The following SLC10A7 variants were observed in gnomAD, a reference collection of about 807,000 sequenced individuals.
The protein encoded by SLC10A7 is solute carrier family 10 member 7, also known as sodium/bile acid cotransporter 7.
A neutral mutation model predicts 43.2 loss-of-function variants in SLC10A7; 29 were observed. That is an observed-to-expected ratio of 0.67 (90% CI 0.50 to 0.92). The LOEUF (loss-of-function observed/expected upper bound fraction) is 0.92. Among genes scored for constraint, SLC10A7 ranks in the 40% least tolerant of loss-of-function variants. The pLI is 0.00. For missense variants in SLC10A7, 295 were observed against 403.2 expected (o/e 0.73, Z 2.30); for synonymous variants, 152 against 144.8 (o/e 1.05, Z -0.35).
rs2110954651 is a variant in SLC10A7, at chr4:146,255,323, T to A, written c.*1168A>T. Reference sequence around the variant, plus strand: ...CCCGTTGGGAACTAATTTTACTTGATATTTTGGTTATTAAATGGTTTTGCA... The same window carrying A: ...CCCGTTGGGAACTAATTTTACTTGAAATTTTGGTTATTAAATGGTTTTGCA... On this transcript the variant is annotated 3_prime_UTR_variant, in exon 12 of 12. Coordinates refer to ENST00000335472, the MANE Select transcript of SLC10A7 (RefSeq NM_001029998.6). The A allele has an allele frequency of 6.5e-6, 1 of 152,788 alleles. No individual in the cohort carries two copies. The highest frequency in any genetic ancestry group is 2.4e-5 in the African/African-American group (1 of 41,578). 9.5% of individuals were successfully genotyped at this position (152,788 alleles called of 1,614,324 possible).
At chr4:146,519,112 T>TATATATATATATATAA (rs1553991185) in intron 1 of SLC10A7, among the ~76,000 whole-genome samples, 1 of 15,972 alleles carries the variant, frequency 6.3e-5, no homozygotes, top group Non-Finnish European at 1.0e-4. Context: ...TATATATATA[T>TATATATATATATATAA]AATATAATAT....
intron 5 of SLC10A7, among the ~76,000 whole-genome samples, chr4:146,403,609 T>C (rs917919131): frequency 1.3e-5 from 2 of 152,208 alleles, no homozygotes; most frequent in African/African-American, 4.8e-5. Context: ...CACATGCTTA[T>C]ATGTGCAATT....
intron 5 of SLC10A7, among the ~76,000 whole-genome samples, chr4:146,350,411 C>T (rs367865747): frequency 1.1e-5 from 1 of 90,894 alleles, no homozygotes; most frequent in Non-Finnish European, 2.2e-5. Context: ...ATTGCTAGCA[C>T]AGCAGTCTGA....
At chr4:146,433,349 C>T (rs1347624831) in intron 5 of SLC10A7, among the ~76,000 whole-genome samples, 1 of 151,116 alleles carries the variant, frequency 6.6e-6, no homozygotes, top group Non-Finnish European at 1.5e-5. Flanking sequence ...CTCTTTGAAA[C>T]CAAAGTAACC....
intron 5 of SLC10A7, among the ~76,000 whole-genome samples, chr4:146,351,662 G>C (rs1327232650): frequency 1.3e-5 from 2 of 151,936 alleles, no homozygotes; most frequent in African/African-American, 4.8e-5. Context: ...TCAAAGGGAA[G>C]CCCATCAGAC....
At chr4:146,261,221 AG>A (rs1329983079) in intron 10 of SLC10A7, among the ~76,000 whole-genome samples, 1 of 152,140 alleles carries the variant, frequency 6.6e-6, no homozygotes, top group East Asian at 1.9e-4. Flanking sequence ...CTGGAGGAGG[AG>A]GAGGAATTTC....
At chr4:146,465,518 TAA>T (rs1732944262) in intron 4 of SLC10A7, among the ~76,000 whole-genome samples, 1 of 152,130 alleles carries the variant, frequency 6.6e-6, no homozygotes, top group African/African-American at 2.4e-5. Flanking sequence ...ACCTTAAATA[TAA>T]AGTTTTAATA....
chr4:146,410,207 T>A (rs1292314896), intron 5 of SLC10A7, among the ~76,000 whole-genome samples: 2 of 152,178 alleles, frequency 1.3e-5, no homozygotes, highest in African/African-American at 4.8e-5. Flanking sequence ...GTATTAATAG[T>A]CAGGAAATAA....
chr4:146,470,942 G>A lies in SLC10A7; in HGVS notation c.397-28121C>T, dbSNP rs188218368. 6.6e-5 allele frequency among the ~76,000 whole-genome samples: 10 copies of A among 152,218 alleles called. No homozygotes were observed. In the East Asian group the frequency reaches 1.9e-3, roughly 29 times the overall value. On this transcript the variant is annotated intron_variant, in intron 4 of 11. Coordinates refer to ENST00000335472, the MANE Select transcript of SLC10A7 (RefSeq NM_001029998.6). The stretch of plus-strand genomic sequence containing the variant: ...TTACATATATCACTTCATGCAATAG[G>A]TACAATGCTAAGTAAAAAACATGAG...
chr4:146,508,130 T>C (rs976436144), intron 3 of SLC10A7, among the ~76,000 whole-genome samples: 2 of 152,234 alleles, frequency 1.3e-5, no homozygotes, highest in Non-Finnish European at 2.9e-5. Context: ...TTTATCTTTG[T>C]ATCTCATTAA....
intron 5 of SLC10A7, among the ~76,000 whole-genome samples, chr4:146,374,355 G>A (rs558435870): frequency 3.9e-5 from 6 of 151,930 alleles, no homozygotes; most frequent in South Asian, 2.1e-4. Flanking sequence ...TTGGGAGGCC[G>A]AGGCAGGCAG....
intron 6 of SLC10A7, among the ~76,000 whole-genome samples, chr4:146,309,675 T>C (rs1256867761): frequency 6.6e-6 from 1 of 152,180 alleles, no homozygotes; most frequent in East Asian, 1.9e-4. Context: ...TTCATTCAGG[T>C]AAGCTGCAAA....
chr4:146,340,994 A>T (rs555963986), intron 5 of SLC10A7, among the ~76,000 whole-genome samples: 9 of 151,454 alleles, frequency 5.9e-5, no homozygotes, highest in South Asian at 4.2e-4. Flanking sequence ...TTGACAGTTT[A>T]AAAAAAAATC....
intron 5 of SLC10A7, among the ~76,000 whole-genome samples, chr4:146,435,854 A>T (rs1007907550): frequency 1.3e-5 from 2 of 152,112 alleles, no homozygotes; most frequent in African/African-American, 4.8e-5. Context: ...AGAATAATTT[A>T]TATTTATTTA....
At chr4:146,436,582 C>T (rs755900400) in intron 5 of SLC10A7, among the ~76,000 whole-genome samples, 3 of 151,958 alleles carry the variant, frequency 2.0e-5, no homozygotes, top group South Asian at 2.1e-4. Context: ...GATTGAGAAG[C>T]GACCTCAGAG....
chr4:146,284,126 C>A (rs946687632), intron 9 of SLC10A7, among the ~76,000 whole-genome samples: 1 of 151,952 alleles, frequency 6.6e-6, no homozygotes, highest in Non-Finnish European at 1.5e-5. Flanking sequence ...TATGATTGTG[C>A]CCTTATATTT....
At chr4:146,351,680 G>A (rs988120782) in intron 5 of SLC10A7, among the ~76,000 whole-genome samples, 7 of 151,616 alleles carry the variant, frequency 4.6e-5, no homozygotes, top group East Asian at 1.9e-4. Flanking sequence ...GACTAACAGC[G>A]GATCTCTTGG....
chr4:146,516,326 T>A (rs1737955138), intron 2 of SLC10A7, among the ~76,000 whole-genome samples: 1 of 151,874 alleles, frequency 6.6e-6, no homozygotes, highest in Non-Finnish European at 1.5e-5. Flanking sequence ...TGGATTTCTT[T>A]ACTTCCAAGA....
intron 4 of SLC10A7, among the ~76,000 whole-genome samples, chr4:146,472,436 G>GTTTTTTTTTT (rs5862760): frequency 2.3e-5 from 3 of 128,942 alleles, no homozygotes; most frequent in Non-Finnish European, 3.3e-5. Context: ...GGCTTATTCT[G>GTTTTTTTTTT]TTTTTTTTTT....
Sources: gnomAD v4.1 joint callset for allele counts (sites outside exome capture counted in the v4.1 genomes callset) on GRCh38, gnomAD v4.1.1 for gene constraint, MANE v1.5 for transcripts, NCBI Gene and HGNC (gene_info 2026-07-23, HGNC 2026-07-21) for gene names.